Variants in ANKRD27 observed in about 807,000 individuals in gnomAD.
ANKRD27 encodes ankyrin repeat domain-containing protein 27.
Under a neutral mutation model 129.7 loss-of-function variants are expected in ANKRD27, and 112 were observed. That is an observed-to-expected ratio of 0.86 (90% confidence interval 0.74 to 1.01). The LOEUF (loss-of-function observed/expected upper bound fraction) is 1.01, where lower values mean the gene tolerates loss of function less well. Among genes scored for constraint, ANKRD27 ranks in the 50% least tolerant of loss-of-function variants. ANKRD27 has a pLI of 0.00. For synonymous variants in ANKRD27, 516 were observed against 511.2 expected (o/e 1.01, Z -0.13); for missense variants, 1,258 against 1,300.5 (o/e 0.97, Z 0.50).
At position 32,619,573 on chromosome 19, in the gene ANKRD27, G is replaced by A. The variant is rs890528031; in HGVS notation, c.1828-20C>T. On this transcript the variant is annotated intron_variant, in intron 18 of 28. Coordinates refer to ENST00000306065, the MANE Select transcript of ANKRD27 (RefSeq NM_032139.3). ...CAGAATCTAGGGGGACAAGGGGGAT[G>A]CCAACAGTACCCCGTGAGATGGGGG... 3.1e-6 allele frequency: 5 copies of A among 1,613,828 alleles called. No homozygotes were observed. The highest frequency in any genetic ancestry group is 4.2e-6 in the Non-Finnish European group (5 of 1,179,880).
chr19:32,628,062 G>A (rs1966922485), intron 15 of ANKRD27, 21 bp downstream of exon 15: 1 of 1,612,128 alleles, frequency 6.2e-7, no homozygotes, highest in Non-Finnish European at 8.5e-7. Context: ...AGCCCCTAGG[G>A]GCCAGCCCAG....
chr19:32,620,247 AAAAT>A (rs1254626407), intron 18 of ANKRD27, among the ~76,000 whole-genome samples: 1 of 151,326 alleles, frequency 6.6e-6, no homozygotes, highest in East Asian at 1.9e-4. Flanking sequence ...ACACACACAC[AAAAT>A]AATTTAAAAA....
chr19:32,616,128 G>T (rs1971914985), intron 21 of ANKRD27, among the ~76,000 whole-genome samples: 1 of 152,116 alleles, frequency 6.6e-6, no homozygotes, highest in African/African-American at 2.4e-5. Context: ...GAGCCCAGGA[G>T]TTCAAGGCTA....
At chr19:32,619,110 C>T (rs1971966971) in intron 20 of ANKRD27, 150 bp downstream of exon 20, 2 of 1,117,846 alleles carry the variant, frequency 1.8e-6, no homozygotes, top group African/African-American at 1.6e-5. Context: ...TTGAAGGCAC[C>T]AACCTCGGCC....
intron 1 of ANKRD27, among the ~76,000 whole-genome samples, chr19:32,661,691 T>C (rs577898554): frequency 2.6e-5 from 4 of 152,204 alleles, no homozygotes; most frequent in East Asian, 1.9e-4. Flanking sequence ...ACTTGGGGGA[T>C]TGGTTCTGGG....
intron 1 of ANKRD27, among the ~76,000 whole-genome samples, chr19:32,662,326 A>G (rs1462209854): frequency 1.3e-5 from 2 of 150,290 alleles, no homozygotes; most frequent in African/African-American, 4.9e-5. Flanking sequence ...AAAAAAAAAA[A>G]AAAAAAAAAA....
chr19:32,603,028 G>A (rs62103926), intron 25 of ANKRD27, among the ~76,000 whole-genome samples: 7,921 of 152,192 alleles, frequency 0.052, 350 homozygotes, highest in East Asian at 0.17. Context: ...GCCAGGCACA[G>A]TGGCTCACGT....
At chr19:32,605,599 C>T (rs1451829485) in intron 24 of ANKRD27, among the ~76,000 whole-genome samples, 1 of 152,188 alleles carries the variant, frequency 6.6e-6, no homozygotes, top group Non-Finnish European at 1.5e-5. Context: ...GAGACCCAAA[C>T]CCTTGGCAAA....
chr19:32,597,948 A>T lies in ANKRD27; in HGVS notation c.*197T>A. 3 of 596,956 alleles carry T rather than the reference A, an allele frequency of 5.0e-6. No homozygotes were observed. Among genetic ancestry groups the T allele is most frequent in the Non-Finnish European group, 9.0e-6 (3 of 334,906 alleles). 37.0% of individuals were successfully genotyped at this position (596,956 alleles called of 1,614,324 possible). ...GTTTCAATTGTATTCATTAGCTTTG[A>T]AGAGGAGAGAGATGGTGGTGGTTAA... On this transcript the variant is annotated 3_prime_UTR_variant, in exon 29 of 29. Coordinates refer to ENST00000306065, the MANE Select transcript of ANKRD27 (RefSeq NM_032139.3).
At chr19:32,607,984 G>C in intron 22 of ANKRD27, 152 bp from the exon 23 acceptor site, 1 of 823,598 alleles carries the variant, frequency 1.2e-6, no homozygotes, top group Non-Finnish European at 1.9e-6. Flanking sequence ...AGAAGTATGT[G>C]GCATGCCAAA....
At chr19:32,599,629 G>T in intron 28 of ANKRD27, 75 bp downstream of exon 28, 1 of 1,312,262 alleles carries the variant, frequency 7.6e-7, no homozygotes, top group Non-Finnish European at 1.1e-6. Context: ...TCAAGGAGAC[G>T]TGTTTACCAT....
chr19:32,615,944 A>G (rs1971911639), intron 21 of ANKRD27, among the ~76,000 whole-genome samples, 164 bp from the exon 22 acceptor site: 1 of 152,198 alleles, frequency 6.6e-6, no homozygotes. Flanking sequence ...AGCCTTCCTC[A>G]GTCCTTCCAC....
chr19:32,611,462 GA>G (rs1405169294), intron 22 of ANKRD27, among the ~76,000 whole-genome samples: 3 of 152,202 alleles, frequency 2.0e-5, no homozygotes, highest in Non-Finnish European at 4.4e-5. Flanking sequence ...ATGTGTGAGG[GA>G]AAACTTTAGT....
intron 12 of ANKRD27, among the ~76,000 whole-genome samples, chr19:32,633,331 G>GTTTT (rs140018331): frequency 8.2e-6 from 1 of 122,228 alleles, no homozygotes; most frequent in Non-Finnish European, 1.7e-5. Context: ...TTTTTTATCT[G>GTTTT]TTTTTTTTTT....
chr19:32,661,797 G>A (rs1474682751), intron 1 of ANKRD27, among the ~76,000 whole-genome samples: 1 of 152,058 alleles, frequency 6.6e-6, no homozygotes, highest in Non-Finnish European at 1.5e-5. Flanking sequence ...ACAGAAATTT[G>A]CAACCTGTGA....
At chr19:32,670,291 G>T (rs1376598939) in intron 1 of ANKRD27, among the ~76,000 whole-genome samples, 1 of 152,150 alleles carries the variant, frequency 6.6e-6, no homozygotes, top group African/African-American at 2.4e-5. Context: ...CTCTGTCCAG[G>T]AGTAGGGATT....
chr19:32,653,929 C>G (rs1231160695), intron 2 of ANKRD27, among the ~76,000 whole-genome samples: 2 of 152,188 alleles, frequency 1.3e-5, no homozygotes, highest in African/African-American at 4.8e-5. Flanking sequence ...GAGACAGAGT[C>G]TCGTTCTGCT....
chr19:32,642,934 G>T lies in ANKRD27; in HGVS notation c.782+189C>A, dbSNP rs1173012543. The T allele has an allele frequency of 1.1e-5, 7 of 620,966 alleles. No homozygotes were observed. The South Asian group carries it at 1.4e-4, about 12-fold the overall frequency. 38.5% of individuals were successfully genotyped at this position (620,966 alleles called of 1,614,324 possible). On this transcript the variant is annotated intron_variant, in intron 9 of 28. Transcript: ENST00000306065. ...GCTGGCGTGCTGGTGCAGTGTGGGA[G>T]GGGGACGGCCACACACAGTCACCTA...
intron 2 of ANKRD27, among the ~76,000 whole-genome samples, chr19:32,650,066 G>C (rs936481702): frequency 2.6e-5 from 4 of 152,166 alleles, no homozygotes; most frequent in South Asian, 2.1e-4. Context: ...TCCACCTTCA[G>C]ATGTGGAGGC....
Sources: allele counts gnomAD v4.1 joint callset (sites outside exome capture counted in the v4.1 genomes callset), GRCh38; gene constraint gnomAD v4.1.1; transcripts MANE v1.5; gene names NCBI Gene and HGNC (gene_info 2026-07-23, HGNC 2026-07-21).